The following PTPRD variants were observed in gnomAD, a reference collection of about 807,000 sequenced individuals.
PTPRD encodes receptor-type tyrosine-protein phosphatase delta.
In PTPRD, 34 loss-of-function variants were observed where a neutral mutation model predicts 214.5. That is an observed-to-expected ratio of 0.16 (90% confidence interval 0.12 to 0.21). The LOEUF (loss-of-function observed/expected upper bound fraction) is 0.21, where lower values mean the gene tolerates loss of function less well. Ranked by LOEUF, PTPRD falls within the 10% of genes least tolerant of loss-of-function variation. PTPRD has a pLI of 1.00. For missense variants in PTPRD, 2,545 were observed against 2,398.7 expected, an observed-to-expected ratio of 1.06 and a Z score of -1.27; for synonymous variants, 1,128 against 845.7, an observed-to-expected ratio of 1.33 and a Z score of -5.79.
At chr9:10,420,896 A>G (rs1440364908) in intron 2 of PTPRD, among the ~76,000 whole-genome samples, 1 of 151,704 alleles carries the variant, frequency 6.6e-6, no homozygotes, top group East Asian at 2.0e-4. Context: ...TAAGACTCCC[A>G]CATTTTGCTA....
At chr9:9,506,369 T>TA (rs145381470) in intron 8 of PTPRD, among the ~76,000 whole-genome samples, 2 of 151,102 alleles carry the variant, frequency 1.3e-5, no homozygotes, top group African/African-American at 2.4e-5. Context: ...ATTATATAGC[T>TA]AAAAAAAAGA....
In PTPRD at chr9:8,430,170, C is replaced by T. The variant is rs570689753; in HGVS notation, c.4086+6422G>A. Among the ~76,000 whole-genome samples, 5 of 152,322 alleles carry T rather than the reference C, an allele frequency of 3.3e-5. No homozygotes were observed. The East Asian group carries it at 9.6e-4, about 29-fold the overall frequency. On this transcript the variant is annotated intron_variant, in intron 35 of 45. Coordinates refer to ENST00000381196, the MANE Select transcript of PTPRD (RefSeq NM_002839.4). ...TTGGGACAGTATTTCTATTAGAAAA[C>T]TGTACCTTGAGGACCACATTGGGAA...
intron 36 of PTPRD, among the ~76,000 whole-genome samples, chr9:8,391,450 C>T (rs1239617820): frequency 6.6e-6 from 1 of 152,074 alleles, no homozygotes; most frequent in Admixed American, 6.6e-5. Context: ...TGATAAAGAT[C>T]CTATTCCTCC....
intron 4 of PTPRD, among the ~76,000 whole-genome samples, chr9:9,944,535 A>C (rs968008854): frequency 3.3e-5 from 5 of 152,158 alleles, no homozygotes; most frequent in African/African-American, 9.7e-5. Flanking sequence ...TATGGGAATG[A>C]GGTAAATTCT....
intron 7 of PTPRD, among the ~76,000 whole-genome samples, chr9:9,656,795 C>T (rs1339018682): frequency 6.6e-6 from 1 of 151,886 alleles, no homozygotes; most frequent in Non-Finnish European, 1.5e-5. Context: ...GACATAGGTT[C>T]ATCAATTGTA....
chr9:8,433,723 A>G (rs1009906843), intron 35 of PTPRD, among the ~76,000 whole-genome samples: 2 of 152,250 alleles, frequency 1.3e-5, no homozygotes, highest in Non-Finnish European at 2.9e-5. Context: ...TTTTAAGCTA[A>G]GTGATATCAA....
chr9:8,972,437 T>G (rs2099244096), intron 11 of PTPRD, among the ~76,000 whole-genome samples: 1 of 151,586 alleles, frequency 6.6e-6, no homozygotes, highest in Non-Finnish European at 1.5e-5. Flanking sequence ...GAATCAAACA[T>G]ACATACTAAT....
intron 9 of PTPRD, among the ~76,000 whole-genome samples, chr9:9,278,162 T>C (rs759854043): frequency 2.0e-4 from 30 of 151,376 alleles, no homozygotes; most frequent in Non-Finnish European, 3.3e-4. Flanking sequence ...ACCAATATAC[T>C]ATGATCTGAG....
chr9:8,736,991 T>C (rs554610912), intron 11 of PTPRD, among the ~76,000 whole-genome samples: 1 of 152,222 alleles, frequency 6.6e-6, no homozygotes, highest in East Asian at 1.9e-4. Context: ...GAGACATCAG[T>C]CCTGTCGGAC....
At chr9:10,088,745 G>A (rs2098390939) in intron 3 of PTPRD, among the ~76,000 whole-genome samples, 2 of 151,680 alleles carry the variant, frequency 1.3e-5, no homozygotes, top group African/African-American at 4.8e-5. Flanking sequence ...ATCTTTGGAT[G>A]TTATCAGTCT....
At chr9:8,342,583 A>G (rs1185743402) in intron 39 of PTPRD, among the ~76,000 whole-genome samples, 1 of 152,052 alleles carries the variant, frequency 6.6e-6, no homozygotes, top group Non-Finnish European at 1.5e-5. Context: ...GAATAGGTAT[A>G]TAATAGGTGT....
intron 8 of PTPRD, among the ~76,000 whole-genome samples, chr9:9,490,689 A>T (rs10816143): frequency 6.6e-6 from 1 of 151,514 alleles, no homozygotes; most frequent in South Asian, 2.1e-4. Flanking sequence ...GGATATAATT[A>T]CCATGGTAAT....
intron 14 of PTPRD, among the ~76,000 whole-genome samples, chr9:8,586,327 G>A (rs779858731): frequency 3.9e-5 from 6 of 152,052 alleles, no homozygotes; most frequent in Non-Finnish European, 7.4e-5. Flanking sequence ...ATAATATCTT[G>A]TGTATTATAA....
rs184713803 is a variant in PTPRD at position 8,639,526 on chromosome 9, T to A, written c.65-2682A>T. Among the ~76,000 whole-genome samples, 273 of 152,334 alleles carry A rather than the reference T, an allele frequency of 1.8e-3. 3 individuals carry two copies. Among genetic ancestry groups the A allele is most frequent in the African/African-American group, 6.3e-3 (260 of 41,574 alleles). On this transcript the variant is annotated intron_variant, in intron 12 of 45. Coordinates refer to ENST00000381196, the MANE Select transcript of PTPRD (RefSeq NM_002839.4). ...TTTCTTGCAAGAACATGTGAATACA[T>A]TGAAGGGCTGTTGCATAAAATGAGT...
At chr9:9,075,182 T>C (rs2099749262) in intron 10 of PTPRD, among the ~76,000 whole-genome samples, 1 of 152,090 alleles carries the variant, frequency 6.6e-6, no homozygotes, top group Admixed American at 6.6e-5. Flanking sequence ...ATAGTAGGTG[T>C]ATATATTTTT....
At chr9:9,359,350 C>T (rs542930374) in intron 9 of PTPRD, among the ~76,000 whole-genome samples, 2 of 151,208 alleles carry the variant, frequency 1.3e-5, no homozygotes, top group Non-Finnish European at 3.0e-5. Flanking sequence ...TCGGGGACTA[C>T]AAAGAAATTG....
At chr9:8,452,647 G>T (rs2096006077) in intron 33 of PTPRD, among the ~76,000 whole-genome samples, 1 of 152,116 alleles carries the variant, frequency 6.6e-6, no homozygotes, top group South Asian at 2.1e-4. Context: ...TTCTTGCAGT[G>T]AGAACTATCT....
At chr9:9,653,070 C>T (rs1044881250) in intron 7 of PTPRD, among the ~76,000 whole-genome samples, 8 of 149,656 alleles carry the variant, frequency 5.3e-5, no homozygotes, top group African/African-American at 1.8e-4. Context: ...TGGCCGGGCG[C>T]GGTGGCTCAC....
intron 3 of PTPRD, among the ~76,000 whole-genome samples, chr9:10,249,685 T>G (rs1327726556): frequency 6.6e-6 from 1 of 152,190 alleles, no homozygotes; most frequent in Non-Finnish European, 1.5e-5. Flanking sequence ...GCACTAATGT[T>G]AAGGAATTTC....
Sources: allele counts gnomAD v4.1 joint callset (sites outside exome capture counted in the v4.1 genomes callset), GRCh38; gene constraint gnomAD v4.1.1; transcripts MANE v1.5; gene names NCBI Gene and HGNC (gene_info 2026-07-23, HGNC 2026-07-21).